Variants in FAM174C observed in about 807,000 individuals in gnomAD.
FAM174C encodes protein FAM174C.
A neutral mutation model predicts 12.3 loss-of-function variants in FAM174C; 19 were observed. The ratio of observed to expected loss-of-function variants is 1.55; its 90% CI spans 1.08 to 2.27. The LOEUF is 2.27. FAM174C is among the 30% of genes most tolerant of loss of function. The pLI is 0.00. For synonymous variants in FAM174C, 147 were observed against 103.5 expected (o/e 1.42, Z -2.55); for missense variants, 239 against 190.2 (o/e 1.26, Z -1.51).
At chr19:1,275,937 TC>T in intron 1 of FAM174C, 107 bp downstream of exon 1, 1 of 932,174 alleles carries the variant, frequency 1.1e-6, no homozygotes, top group Non-Finnish European at 1.5e-6. Context: ...CCTCCCTCCC[TC>T]CCTCTCTCCC....
Position 1,275,735 on chromosome 19 carries a change from G to A in FAM174C, c.186G>A (p.Pro62=). Residue 62 remains proline (P), a synonymous_variant, in exon 1 of 3, where the codon CCG becomes CCA. Coordinates refer to ENST00000409293, the MANE Select transcript of FAM174C (RefSeq NM_017914.4). The stretch of plus-strand genomic sequence containing the variant: ...CACACAACAGCACGCACACGCGTCC[G>A]CCGGGGGCGTCGGGCTCGGCGCTGA... ...GAPHNSTHTR[P]PGASGSALTR... 2.0e-6 allele frequency: 3 copies of A among 1,533,836 alleles called. No homozygotes were observed. Among genetic ancestry groups the A allele is most frequent in the Non-Finnish European group, 2.6e-6 (3 of 1,144,166 alleles).
chr19:1,277,338 G>C (rs965248360), intron 2 of FAM174C, 39 bp downstream of exon 2: 6 of 1,525,966 alleles, frequency 3.9e-6, no homozygotes, highest in Non-Finnish European at 5.3e-6. Context: ...TCGGTGGGCA[G>C]GCTGGGCTGG....
At chr19:1,275,992 G>T in intron 1 of FAM174C, 162 bp downstream of exon 1, 1 of 681,072 alleles carries the variant, frequency 1.5e-6, no homozygotes, top group South Asian at 1.9e-5. Flanking sequence ...TCGTCACGTG[G>T]TGTGGGCGGT....
intron 1 of FAM174C, 119 bp downstream of exon 1, chr19:1,275,949 T>TGTTGGA: frequency 4.3e-6 from 4 of 920,126 alleles, no homozygotes; most frequent in Non-Finnish European, 6.3e-6. Context: ...CCTCTCTCCC[T>TGTTGGA]GTTGGAGTGG....
rs1274431518 is a variant in FAM174C at position 1,275,832 on chromosome 19, T to G, written c.281+2T>G. ...CTACTTCCTGATCCGGGCGTTTAGG[T>G]GCGTCAGGCGCACGTGGGCGCCGTC... On this transcript the variant is annotated splice_donor_variant, in intron 1 of 2. Coordinates refer to ENST00000409293, the MANE Select transcript of FAM174C (RefSeq NM_017914.4). LOFTEE classifies it high-confidence loss of function. 6.5e-7 allele frequency: 1 copy of G among 1,535,954 alleles called. No homozygotes were observed. Among genetic ancestry groups the G allele is most frequent in the East Asian group, 2.5e-5 (1 of 40,758 alleles).
chr19:1,279,006 TC>T lies in FAM174C; in HGVS notation c.*232del. 1 of 1,611,904 alleles carries T rather than the reference TC, an allele frequency of 6.2e-7. No individual in the cohort carries two copies. The highest frequency in any genetic ancestry group is 8.5e-7 in the Non-Finnish European group (1 of 1,179,944). ...ATGCAGCCTCGCCTCCTGGATGCTG[TC>T]CCAGCCTGGCCGAGGGTCCCAGGTG... On this transcript the variant is annotated 3_prime_UTR_variant, in exon 3 of 3. Transcript: ENST00000409293.
chr19:1,277,265 G>A lies in FAM174C; in HGVS notation c.364G>A (p.Glu122Lys), dbSNP rs765790295. 106 of 1,549,172 alleles carry A rather than the reference G, an allele frequency of 6.8e-5. No individual in the cohort carries two copies. Among genetic ancestry groups the A allele is most frequent in the Middle Eastern group, 1.7e-4 (1 of 6,006 alleles). Residue 122 changes from glutamate to lysine, a missense_variant, in exon 2 of 3, where the codon GAG becomes AAG. Glu to Lys is a moderately conservative substitution (Grantham distance 56). Coordinates refer to ENST00000409293, the MANE Select transcript of FAM174C (RefSeq NM_017914.4). Reference protein sequence around the residue: ...PTEMASLDSDEETVFESRNLR With the variant: ...PTEMASLDSDKETVFESRNLR ...GGAGATGGCCTCGCTGGACAGCGAC[G>A]AGGAGACGGTGTTTGAGTCCCGGAA...
Position 1,279,198 on chromosome 19 carries a change from T to C in FAM174C, c.*421T>C, listed in dbSNP as rs1217549696. The C allele has an allele frequency of 6.2e-7, 1 of 1,611,002 alleles. No homozygotes were observed. The highest frequency in any genetic ancestry group is 1.7e-5 in the Admixed American group (1 of 59,908). On this transcript the variant is annotated 3_prime_UTR_variant, in exon 3 of 3. Transcript: ENST00000409293. ...TTCTGGGAACACCTTCTCGCCGGGC[T>C]GGGAACAATAAATGCAGCCATGTCT...
At chr19:1,275,931 C>CCTCTCTCCCTCT (rs1555756070) in intron 1 of FAM174C, 101 bp downstream of exon 1, 5 of 1,031,310 alleles carry the variant, frequency 4.8e-6, no homozygotes, top group Non-Finnish European at 5.6e-6. Context: ...TCCCTCCCTC[C>CCTCTCTCCCTCT]CTCCCTCCCT....
intron 2 of FAM174C, among the ~76,000 whole-genome samples, chr19:1,278,233 T>C (rs1233719256): frequency 6.6e-6 from 1 of 151,470 alleles, no homozygotes; most frequent in Non-Finnish European, 1.5e-5. Flanking sequence ...CCTGGTGTAA[T>C]GGGGCTGGCT....
In FAM174C at chr19:1,275,653, C is replaced by T. The variant is rs1462704949; in HGVS notation, c.104C>T (p.Ala35Val). ...GAEEASPLRP[A>V]QVTLSPPPAV... Reference sequence around the variant, plus strand: ...GAAGAGGCCTCGCCGCTGCGCCCCGCGCAGGTCACGTTGTCGCCGCCGCCG... The same window carrying T: ...GAAGAGGCCTCGCCGCTGCGCCCCGTGCAGGTCACGTTGTCGCCGCCGCCG... Residue 35 changes from alanine to valine, a missense_variant, in exon 1 of 3, where the codon GCG (alanine) becomes GTG (valine). Physicochemically the swap from Ala to Val is moderately conservative, Grantham distance 64. Coordinates refer to ENST00000409293, the MANE Select transcript of FAM174C (RefSeq NM_017914.4). 1 of 1,409,890 alleles carries T rather than the reference C, an allele frequency of 7.1e-7. No homozygotes were observed. Among genetic ancestry groups the T allele is most frequent in the Non-Finnish European group, 9.1e-7 (1 of 1,095,470 alleles). 87.3% of individuals were successfully genotyped at this position (1,409,890 alleles called of 1,614,324 possible).
Position 1,278,938 on chromosome 19 carries a change from C to T in FAM174C, c.*161C>T. On this transcript the variant is annotated 3_prime_UTR_variant, in exon 3 of 3. Coordinates refer to ENST00000409293, the MANE Select transcript of FAM174C (RefSeq NM_017914.4). Reference sequence around the variant, plus strand: ...ACCCGAGAGCTCCTTTTGGAACCTGCACAGCCCGCCGACCTGTTGCCACCT... The same window carrying T: ...ACCCGAGAGCTCCTTTTGGAACCTGTACAGCCCGCCGACCTGTTGCCACCT... 1.2e-6 allele frequency: 2 copies of T among 1,613,076 alleles called. No individual in the cohort carries two copies. The highest frequency in any genetic ancestry group is 2.2e-5 in the South Asian group (2 of 91,090).
Position 1,277,284 on chromosome 19 carries a change from C to G in FAM174C, c.383C>G (p.Ser128Cys), listed in dbSNP as rs2081419952. Residue 128 changes from serine (S) to cysteine (C), a missense_variant, in exon 2 of 3, where the codon TCC (serine) becomes TGC (cysteine). By Grantham distance (112) the Ser-to-Cys change is moderately radical. Coordinates refer to ENST00000409293, the MANE Select transcript of FAM174C (RefSeq NM_017914.4). ...AGCGACGAGGAGACGGTGTTTGAGT[C>G]CCGGAATCTGAGATGGTGTGCACCC... ...LDSDEETVFE[S>C]RNLR is the part of the protein sequence containing the mutation. The G allele has an allele frequency of 6.5e-7, 1 of 1,547,780 alleles. No homozygotes were observed. The highest frequency in any genetic ancestry group is 1.4e-5 in the African/African-American group (1 of 72,974).
Position 1,278,827 on chromosome 19 carries a change from A to G in FAM174C, c.*50A>G, listed in dbSNP as rs758392646. ...CCAGCAGCCATGAGGGAAGGACAGG[A>G]GATGGGGCCCACCCCAGTGCCCAGC... On this transcript the variant is annotated 3_prime_UTR_variant, in exon 3 of 3. Transcript: ENST00000409293. 8.7e-6 allele frequency: 14 copies of G among 1,612,932 alleles called. No individual in the cohort carries two copies. The East Asian group carries it at 1.3e-4, about 15-fold the overall frequency.
intron 2 of FAM174C, among the ~76,000 whole-genome samples, chr19:1,277,624 C>A (rs2081421272): frequency 6.6e-6 from 1 of 152,154 alleles, no homozygotes; most frequent in South Asian, 2.1e-4. Context: ...GCACCCGCCA[C>A]CACGCCTCGC....
At position 1,279,217 on chromosome 19, in the gene FAM174C, C is replaced by A; in HGVS notation, c.*440C>A. The A allele has an allele frequency of 6.2e-7, 1 of 1,602,754 alleles. No homozygotes were observed. On this transcript the variant is annotated 3_prime_UTR_variant, in exon 3 of 3. Transcript: ENST00000409293. ...CCGGGCTGGGAACAATAAATGCAGC[C>A]ATGTCTCTGCAGCTGGTGCTGACCC...
chr19:1,278,074 C>T (rs534816829), intron 2 of FAM174C, among the ~76,000 whole-genome samples: 43 of 100,308 alleles, frequency 4.3e-4, no homozygotes, highest in African/African-American at 1.5e-3. Flanking sequence ...CGTGGTCAGC[C>T]TTCTTGCTTT....
intron 1 of FAM174C, 101 bp downstream of exon 1, chr19:1,275,931 C>CCCCCCCCCCCCT (rs1568846682): frequency 9.7e-7 from 1 of 1,030,568 alleles, no homozygotes; most frequent in African/African-American, 1.7e-5. Context: ...TCCCTCCCTC[C>CCCCCCCCCCCCT]CTCCCTCCCT....
rs574018765 is a variant in FAM174C at position 1,277,220 on chromosome 19, G to A, written c.319G>A (p.Ala107Thr). The change falls in exon 2 of 3, where the codon GCC (alanine) becomes ACC (threonine). Residue 107 changes from alanine to threonine, a missense_variant. Physicochemically the swap from Ala to Thr is moderately conservative, Grantham distance 58. Coordinates refer to ENST00000409293, the MANE Select transcript of FAM174C (RefSeq NM_017914.4). ...TCAGCGGAGGCGATACGGCCTCCTCGCCAACACTGAGGACCCCACGGAGAT... is the reference window on the plus strand; with the variant it reads ...TCAGCGGAGGCGATACGGCCTCCTCACCAACACTGAGGACCCCACGGAGAT... ...KPQRRRYGLL[A>T]NTEDPTEMAS... 35 of 1,548,570 alleles carry A rather than the reference G, an allele frequency of 2.3e-5. No individual in the cohort carries two copies. The South Asian group carries it at 3.7e-4, about 16-fold the overall frequency.
Sources: allele counts gnomAD v4.1 joint callset (sites outside exome capture counted in the v4.1 genomes callset), GRCh38; gene constraint gnomAD v4.1.1; transcripts MANE v1.5; gene names NCBI Gene and HGNC (gene_info 2026-07-23, HGNC 2026-07-21).